ITPR2: variants seen among roughly 807,000 people sequenced by gnomAD.
ITPR2 encodes inositol 1,4,5-trisphosphate-gated calcium channel ITPR2.
ITPR2 carries 207 observed loss-of-function variants against 317.1 expected under a neutral mutation model. The ratio of observed to expected loss-of-function variants is 0.65; its 90% CI spans 0.58 to 0.73. The LOEUF (loss-of-function observed/expected upper bound fraction) is 0.73. ITPR2 is among the 30% of genes least tolerant of loss of function. The pLI is 0.00. For missense variants in ITPR2, 2,613 were observed against 3,284.0 expected (o/e 0.80, Z 4.99); for synonymous variants, 1,156 against 1,149.1 (o/e 1.01, Z -0.12).
chr12:26,587,119 A>C (rs73087296), intron 32 of ITPR2, among the ~76,000 whole-genome samples: 8 of 150,778 alleles, frequency 5.3e-5, no homozygotes, highest in African/African-American at 1.9e-4. Flanking sequence ...TTTGTTTTCA[A>C]ATCCACTTTT....
At chr12:26,461,691 TACAC>T (rs10580959) in intron 45 of ITPR2, among the ~76,000 whole-genome samples, 7,252 of 123,646 alleles carry the variant, frequency 0.059, 612 homozygotes, top group African/African-American at 0.19. Flanking sequence ...CATATATATA[TACAC>T]ACACACACAC....
At chr12:26,567,950 TTATATA>T (rs371931358) in intron 34 of ITPR2, among the ~76,000 whole-genome samples, 86,273 of 112,116 alleles carry the variant, frequency 0.77, 34,490 homozygotes, top group Non-Finnish European at 0.85. Context: ...TATATATATA[TTATATA>T]TATATATATA....
chr12:26,667,400 T>C (rs1947652808), intron 13 of ITPR2, among the ~76,000 whole-genome samples: 1 of 152,202 alleles, frequency 6.6e-6, no homozygotes, highest in South Asian at 2.1e-4. Context: ...TTCCTGGGAT[T>C]CTATGTTTTC....
intron 25 of ITPR2, 59 bp downstream of exon 25, chr12:26,622,181 A>T: frequency 6.8e-7 from 1 of 1,476,986 alleles, no homozygotes; most frequent in East Asian, 2.3e-5. Context: ...GTCAGGTTGG[A>T]TGTTATTAAC....
chr12:26,644,603 G>C (rs984699658), intron 21 of ITPR2, among the ~76,000 whole-genome samples: 3 of 152,294 alleles, frequency 2.0e-5, no homozygotes, highest in South Asian at 2.1e-4. Flanking sequence ...AGCAGGCAAA[G>C]AGCATGTGCA....
chr12:26,505,123 T>C (rs897258012), intron 37 of ITPR2, among the ~76,000 whole-genome samples: 4 of 152,250 alleles, frequency 2.6e-5, no homozygotes, highest in African/African-American at 9.6e-5. Flanking sequence ...GCTTTATAGC[T>C]AAAATTTATG....
rs1951140517 is a variant in ITPR2 at position 26,832,854 on chromosome 12, C to T, written c.-73G>A. The stretch of plus-strand genomic sequence containing the variant: ...CGCCGCCCTCTCTCCAGGGAGCCGC[C>T]GCGGCAGAAGCGGATCGGATCGCGG... On this transcript the variant is annotated 5_prime_UTR_variant, in exon 1 of 57. Coordinates refer to ENST00000381340, the MANE Select transcript of ITPR2 (RefSeq NM_002223.4). 2 of 1,216,828 alleles carry T rather than the reference C, an allele frequency of 1.6e-6. No individual in the cohort carries two copies. Among genetic ancestry groups the T allele is most frequent in the Admixed American group, 1.9e-5 (1 of 53,920 alleles). 75.4% of individuals were successfully genotyped at this position (1,216,828 alleles called of 1,614,324 possible).
intron 13 of ITPR2, among the ~76,000 whole-genome samples, chr12:26,675,623 C>G (rs1261018708): frequency 1.5e-5 from 2 of 135,850 alleles, no homozygotes; most frequent in East Asian, 2.2e-4. Context: ...GTACAGCGCA[C>G]CAGCATGGCA....
chr12:26,714,375 T>C (rs1038050229), intron 8 of ITPR2, among the ~76,000 whole-genome samples: 2 of 152,210 alleles, frequency 1.3e-5, no homozygotes, highest in East Asian at 3.8e-4. Context: ...TCCACTTCTT[T>C]AACCACTTCT....
rs1342778006 is a variant in ITPR2, at chr12:26,391,721, C to A, written c.7697-4127G>T. ...CTGGGGTTACAGGAATGTGCCACCA[C>A]GCCCAATTAATTTTTGTATTTTTAG... On this transcript the variant is annotated intron_variant, in intron 54 of 56. Coordinates refer to ENST00000381340, the MANE Select transcript of ITPR2 (RefSeq NM_002223.4). 2.0e-5 allele frequency among the ~76,000 whole-genome samples: 3 copies of A among 151,700 alleles called. 1 individual carries two copies. Among genetic ancestry groups the A allele is most frequent in the African/African-American group, 4.8e-5 (2 of 41,246 alleles).
At chr12:26,663,652 T>A (rs1404102859) in intron 15 of ITPR2, 33 bp downstream of exon 15, 1 of 1,573,868 alleles carries the variant, frequency 6.4e-7, no homozygotes. Flanking sequence ...ACTTTACATA[T>A]GAAACAGTTT....
At chr12:26,746,266 G>A (rs1290650799) in intron 2 of ITPR2, among the ~76,000 whole-genome samples, 4 of 151,602 alleles carry the variant, frequency 2.6e-5, no homozygotes, top group African/African-American at 9.7e-5. Flanking sequence ...CTTCTTAGAC[G>A]AAGACCTAAT....
Position 26,335,685 on chromosome 12 carries a change from G to A in ITPR2, c.*3712C>T, listed in dbSNP as rs1937895415. 1 of 152,102 alleles carries A rather than the reference G, an allele frequency of 6.6e-6. No homozygotes were observed. The highest frequency in any genetic ancestry group is 6.5e-5 in the Admixed American group (1 of 15,268). The allele number at this position is 152,102 out of a possible 1,614,324, so 9.4% of individuals were successfully genotyped here. On this transcript the variant is annotated 3_prime_UTR_variant, in exon 57 of 57. Transcript: ENST00000381340. The stretch of plus-strand genomic sequence containing the variant: ...AAACAGCAGCAGTGAGTGACTAGAG[G>A]GCCTCTACTGGCCTCAGGCATTTTC...
intron 51 of ITPR2, among the ~76,000 whole-genome samples, chr12:26,412,392 C>T (rs957380121): frequency 6.6e-6 from 1 of 152,162 alleles, no homozygotes; most frequent in African/African-American, 2.4e-5. Flanking sequence ...TACCTCCATC[C>T]CCTGAGGGTG....
intron 1 of ITPR2, among the ~76,000 whole-genome samples, chr12:26,800,551 C>T (rs953021455): frequency 1.3e-5 from 2 of 152,070 alleles, no homozygotes; most frequent in Non-Finnish European, 2.9e-5. Context: ...TTTCTTGAGC[C>T]CAGGAGTCTG....
rs113686222 is a variant in ITPR2, at chr12:26,617,724, AAGGG to A, written c.3462+3395_3462+3398del. 7.9e-3 allele frequency among the ~76,000 whole-genome samples: 881 copies of A among 111,930 alleles called. 4 individuals carry two copies. Among genetic ancestry groups the A allele is most frequent in the East Asian group, 0.025 (86 of 3,458 alleles). 73.4% of individuals were successfully genotyped at this position (111,930 alleles called of 152,430 possible). ...GGAGAGAAGGAAGGAGGGAAGGAGG[AAGGG>A]AGGGAGGGAGGGAAGGAAGGACAGA... On this transcript the variant is annotated intron_variant, in intron 26 of 56. Coordinates refer to ENST00000381340, the MANE Select transcript of ITPR2 (RefSeq NM_002223.4).
At chr12:26,351,119 T>G in intron 55 of ITPR2, among the ~76,000 whole-genome samples, 1 of 152,188 alleles carries the variant, frequency 6.6e-6, no homozygotes, top group African/African-American at 2.4e-5. Flanking sequence ...GACTCTAGGA[T>G]GAGTGACCAC....
intron 37 of ITPR2, among the ~76,000 whole-genome samples, chr12:26,514,422 T>A (rs1254954498): frequency 6.6e-6 from 1 of 152,236 alleles, no homozygotes; most frequent in Non-Finnish European, 1.5e-5. Flanking sequence ...CAAAAAGATA[T>A]TCTGCTGTAT....
chr12:26,718,844 T>C (rs1026443739), intron 5 of ITPR2, among the ~76,000 whole-genome samples: 3 of 152,094 alleles, frequency 2.0e-5, no homozygotes, highest in Non-Finnish European at 2.9e-5. Context: ...ACTCCTAACC[T>C]CAGGTGATTC....
Sources: gnomAD v4.1 joint callset for allele counts (sites outside exome capture counted in the v4.1 genomes callset) on GRCh38, gnomAD v4.1.1 for gene constraint, MANE v1.5 for transcripts, NCBI Gene and HGNC (gene_info 2026-07-23, HGNC 2026-07-21) for gene names.